Variants in RASGRP1 observed in about 807,000 individuals in gnomAD.
RASGRP1 encodes RAS guanyl releasing protein 1.
In RASGRP1, 37 loss-of-function variants were observed where a neutral mutation model predicts 95.1. The observed-to-expected ratio is 0.39, with a 90% CI of 0.30 to 0.51. The LOEUF is 0.51. Among genes scored for constraint, RASGRP1 ranks in the 20% least tolerant of loss-of-function variants. The probability of loss-of-function intolerance (pLI) is 0.80; values close to 1 mark genes in which losing one functional copy is unlikely to be tolerated. For synonymous variants in RASGRP1, 325 were observed against 353.4 expected, an observed-to-expected ratio of 0.92 and a Z score of 0.90; for missense variants, 711 against 965.4, an observed-to-expected ratio of 0.74 and a Z score of 3.49.
At chr15:38,529,220 C>T (rs1217649978) in intron 2 of RASGRP1, among the ~76,000 whole-genome samples, 1 of 152,184 alleles carries the variant, frequency 6.6e-6, no homozygotes, top group Non-Finnish European at 1.5e-5. Flanking sequence ...AGGACAAACT[C>T]CTAAAACCTA....
chr15:38,553,903 C>T (rs913424482), intron 2 of RASGRP1, among the ~76,000 whole-genome samples: 1 of 152,184 alleles, frequency 6.6e-6, no homozygotes, highest in Non-Finnish European at 1.5e-5. Context: ...CCTATATGCT[C>T]TATTGCTTCC....
At chr15:38,498,729 C>A (rs1336216703) in intron 15 of RASGRP1, 65 bp downstream of exon 15, 3 of 1,559,432 alleles carry the variant, frequency 1.9e-6, no homozygotes, top group Admixed American at 3.6e-5. Flanking sequence ...GGTAATCTTT[C>A]CGTCTCTAAA....
intron 3 of RASGRP1, chr15:38,524,244 G>A: frequency 6.6e-6 from 1 of 152,044 alleles, no homozygotes; most frequent in African/African-American, 2.4e-5. Flanking sequence ...AAAAAAAAAA[G>A]GAAAGGTTTA....
Position 38,519,346 on chromosome 15 carries a change from A to C in RASGRP1, c.352T>G (p.Ser118Ala), listed in dbSNP as rs1440597576. The C allele has an allele frequency of 3.3e-6, 5 of 1,531,022 alleles. No individual in the cohort carries two copies. In the African/African-American group the frequency reaches 6.9e-5, roughly 21 times the overall value. The allele number at this position is 1,531,022 out of a possible 1,614,324, so 94.8% of individuals were successfully genotyped here. A position where few individuals can be genotyped will look rare whatever the true frequency, so the allele number is the denominator to read the frequency against. Residue 118 changes from serine to alanine, a missense_variant, in exon 4 of 17, where the codon TCA (serine) becomes GCA (alanine). Around this residue, in one of 3 missense-constraint regions of RASGRP1, gnomAD observed 491 missense variants for 676.6 expected, o/e 0.73. Coordinates refer to ENST00000310803, the MANE Select transcript of RASGRP1 (RefSeq NM_005739.4). The part of the protein sequence containing the change: ...TLYKDALAKN[S>A]PGLCLKICYF... ...CAGATCTTCAGGCAAAGTCCTGGTG[A>C]ATTCTTTGCCAAAGCATCCTTATAG...
intron 6 of RASGRP1, among the ~76,000 whole-genome samples, chr15:38,515,092 A>G (rs970840134): frequency 6.6e-6 from 1 of 152,226 alleles, no homozygotes; most frequent in Non-Finnish European, 1.5e-5. Context: ...AGGGCTGTCA[A>G]TATTATGAAT....
chr15:38,542,948 T>TGTGTG (rs1892963566), intron 2 of RASGRP1, among the ~76,000 whole-genome samples: 7 of 148,102 alleles, frequency 4.7e-5, no homozygotes, highest in African/African-American at 1.7e-4. Flanking sequence ...TATATATATA[T>TGTGTG]ATACACACAT....
chr15:38,527,732 G>T (rs187971324), intron 2 of RASGRP1, among the ~76,000 whole-genome samples: 2 of 152,286 alleles, frequency 1.3e-5, no homozygotes, highest in East Asian at 3.9e-4. Context: ...GAAGGACACA[G>T]TGCTTTTGGG....
intron 3 of RASGRP1, among the ~76,000 whole-genome samples, chr15:38,525,651 T>C (rs1892189284): frequency 6.6e-6 from 1 of 152,144 alleles, no homozygotes; most frequent in Non-Finnish European, 1.5e-5. Context: ...CATGACACAG[T>C]ACCAGGGACC....
chr15:38,522,843 A>G (rs921489369), intron 3 of RASGRP1, among the ~76,000 whole-genome samples: 3 of 152,182 alleles, frequency 2.0e-5, no homozygotes, highest in African/African-American at 7.2e-5. Context: ...AGGAGTTGAC[A>G]TTAACTCCGT....
At chr15:38,531,501 T>C (rs187084861) in intron 2 of RASGRP1, among the ~76,000 whole-genome samples, 192 of 152,362 alleles carry the variant, frequency 1.3e-3, no homozygotes, top group African/African-American at 4.5e-3. Flanking sequence ...CTTTGGTTGA[T>C]GGATACTAAT....
At chr15:38,523,181 C>T (rs1218909412) in intron 3 of RASGRP1, among the ~76,000 whole-genome samples, 2 of 152,126 alleles carry the variant, frequency 1.3e-5, no homozygotes, top group East Asian at 1.9e-4. Context: ...TGAAATTGAC[C>T]ATGAAAATAC....
At chr15:38,491,509 T>C (rs931371611) in intron 16 of RASGRP1, among the ~76,000 whole-genome samples, 11 of 152,346 alleles carry the variant, frequency 7.2e-5, no homozygotes, top group East Asian at 3.9e-4. Flanking sequence ...GAGTTGAGCC[T>C]TGGTATATCT....
At chr15:38,527,428 A>G (rs1892264932) in intron 2 of RASGRP1, among the ~76,000 whole-genome samples, 1 of 152,144 alleles carries the variant, frequency 6.6e-6, no homozygotes, top group Non-Finnish European at 1.5e-5. Flanking sequence ...CTCTCGTTGG[A>G]TCTAATACTA....
intron 7 of RASGRP1, among the ~76,000 whole-genome samples, chr15:38,512,025 C>A (rs1206232663): frequency 6.6e-6 from 1 of 152,146 alleles, no homozygotes; most frequent in Non-Finnish European, 1.5e-5. Context: ...TGGACCTAAC[C>A]CAGACATTCT....
chr15:38,555,701 TA>T (rs1893529334), intron 2 of RASGRP1, among the ~76,000 whole-genome samples: 1 of 152,172 alleles, frequency 6.6e-6, no homozygotes, highest in Non-Finnish European at 1.5e-5. Context: ...GTTCTCAGTA[TA>T]AAAGAAAATC....
chr15:38,525,826 T>C lies in RASGRP1; in HGVS notation c.326+473A>G, dbSNP rs191435026. Among the ~76,000 whole-genome samples the C allele has an allele frequency of 2.0e-5, 3 of 152,274 alleles. 1 individual carries two copies. Among genetic ancestry groups the C allele is most frequent in the Admixed American group, 1.3e-4 (2 of 15,298 alleles). On this transcript the variant is annotated intron_variant, in intron 3 of 16. Coordinates refer to ENST00000310803, the MANE Select transcript of RASGRP1 (RefSeq NM_005739.4). ...AGTCCAGCAGGTTTTGCTTGGCACA[T>C]AGTCAGTCCTCCTGCCTGAAGCAAT...
intron 15 of RASGRP1, among the ~76,000 whole-genome samples, chr15:38,497,871 G>C (rs912025416): frequency 1.3e-5 from 2 of 152,150 alleles, no homozygotes; most frequent in Non-Finnish European, 2.9e-5. Context: ...GATTTTCCTT[G>C]TATGATTTGG....
At chr15:38,547,936 C>T (rs767691007) in intron 2 of RASGRP1, among the ~76,000 whole-genome samples, 31 of 151,234 alleles carry the variant, frequency 2.0e-4, no homozygotes, top group Non-Finnish European at 3.5e-4. Context: ...CTCCAACTCC[C>T]GCCTCTGACA....
intron 1 of RASGRP1, 54 bp from the exon 2 acceptor site, chr15:38,560,059 A>G: frequency 6.9e-7 from 1 of 1,452,152 alleles, no homozygotes; most frequent in East Asian, 2.3e-5. Flanking sequence ...CACGCTCTGA[A>G]GGCAGATTGG....
Sources: gnomAD v4.1 joint callset for allele counts (sites outside exome capture counted in the v4.1 genomes callset) on GRCh38, gnomAD v4.1.1 for gene constraint, gnomAD v4.1.1 regional missense constraint, MANE v1.5 for transcripts, NCBI Gene and HGNC (gene_info 2026-07-23, HGNC 2026-07-21) for gene names.